MINK1: variants seen among roughly 807,000 people sequenced by gnomAD.
MINK1 encodes misshapen like kinase 1.
A neutral mutation model predicts 178.4 loss-of-function variants in MINK1; 46 were observed. That is an observed-to-expected ratio of 0.26 (90% CI 0.20 to 0.33). MINK1 has a LOEUF of 0.33. Among genes scored for constraint, MINK1 ranks in the 10% least tolerant of loss-of-function variants. The probability of loss-of-function intolerance (pLI) is 1.00; values close to 1 mark genes in which losing one functional copy is unlikely to be tolerated. For missense variants in MINK1, 1,366 were observed against 1,814.9 expected (o/e 0.75, Z 4.49); for synonymous variants, 797 against 709.7 (o/e 1.12, Z -1.96).
chr17:4,874,115 C>A (rs557393582), intron 1 of MINK1, among the ~76,000 whole-genome samples: 103 of 152,306 alleles, frequency 6.8e-4, no homozygotes, highest in African/African-American at 2.4e-3. Context: ...GATATATAAT[C>A]GTAGACTGCC....
intron 4 of MINK1, among the ~76,000 whole-genome samples, chr17:4,882,523 A>G (rs185890607): frequency 7.1e-4 from 108 of 152,276 alleles, no homozygotes; most frequent in Admixed American, 2.2e-3. Flanking sequence ...TGCAATCTTT[A>G]TGTCTCTAGC....
chr17:4,857,737 C>G (rs955845762), intron 1 of MINK1, among the ~76,000 whole-genome samples: 1 of 151,814 alleles, frequency 6.6e-6, no homozygotes, highest in Non-Finnish European at 1.5e-5. Context: ...CAAAGTGCTG[C>G]GATTATAGGG....
In MINK1 at chr17:4,893,569, G is replaced by A. The variant is rs1216183540; in HGVS notation, c.2536G>A (p.Glu846Lys). 5 of 1,569,448 alleles carry A rather than the reference G, an allele frequency of 3.2e-6. No homozygotes were observed. In the Middle Eastern group the frequency reaches 5.1e-4, roughly 161 times the overall value. ...GGAGGAAGGCGAAGGCGGGCCAGCAGAGGGGAGCAGAGATACCCCTGGGGG... is the reference window on the plus strand; with the variant it reads ...GGAGGAAGGCGAAGGCGGGCCAGCAAAGGGGAGCAGAGATACCCCTGGGGG... ...DEEEGEGGPAEGSRDTPGGRS... is the reference protein window; with the variant it reads ...DEEEGEGGPAKGSRDTPGGRS... Residue 846 changes from glutamate to lysine, a missense_variant, in exon 21 of 32, where the codon GAG becomes AAG. Physicochemically the swap from Glu to Lys is moderately conservative, Grantham distance 56 (BLOSUM62 1). Around this residue, in one of 14 missense-constraint regions of MINK1, gnomAD observed 709 missense variants for 692.3 expected, o/e 1.02. Coordinates refer to ENST00000355280, the MANE Select transcript of MINK1 (RefSeq NM_153827.5).
rs368309541 is a variant in MINK1 at position 4,896,895 on chromosome 17, A to ATGG, written c.3915+92_3915+94dup. The ATGG allele has an allele frequency of 8.4e-4, 1,248 of 1,478,464 alleles. 6 individuals carry two copies. The African/African-American group carries it at 0.015, about 18-fold the overall frequency. 91.6% of individuals were successfully genotyped at this position (1,478,464 alleles called of 1,614,324 possible). Reference sequence around the variant, plus strand: ...CCCTGGGCAGAGTTCTGGGGAGAGGATGGTGGTGGTGGCTTCCTGAAAGCG... The same window carrying ATGG: ...CCCTGGGCAGAGTTCTGGGGAGAGGATGGTGGTGGTGGTGGCTTCCTGAAAGCG... On this transcript the variant is annotated intron_variant, in intron 31 of 31. Transcript: ENST00000355280. The surrounding 1 kb of genome is among the most constrained non-coding windows in gnomAD (Gnocchi z 4.6).
At chr17:4,856,680 T>A (rs1913206022) in intron 1 of MINK1, 1 of 152,212 alleles carries the variant, frequency 6.6e-6, no homozygotes, top group African/African-American at 2.4e-5. Flanking sequence ...ATACATAGAG[T>A]ACTCAAGGGA....
intron 4 of MINK1, among the ~76,000 whole-genome samples, chr17:4,881,773 A>G (rs1371657932): frequency 6.6e-6 from 1 of 152,214 alleles, no homozygotes; most frequent in Non-Finnish European, 1.5e-5. Context: ...GCCTCCCCCA[A>G]ATTCCTCCTG....
chr17:4,894,342 G>A lies in MINK1; in HGVS notation c.2808+31G>A, dbSNP rs765142682. On this transcript the variant is annotated intron_variant, in intron 23 of 31. Transcript: ENST00000355280. This position sits in a 1 kb window ranked among gnomAD's most constrained non-coding sequence, Gnocchi z 4.1. ...TGGGCCGGAGGCAGGTCCGCCGGGA[G>A]AGAAGAGCCCTGGCGATGGGCAGGA... is the stretch of plus-strand genomic sequence containing the variant. The A allele has an allele frequency of 6.2e-7, 1 of 1,603,582 alleles. No homozygotes were observed. Among genetic ancestry groups the A allele is most frequent in the Non-Finnish European group, 8.5e-7 (1 of 1,176,154 alleles).
chr17:4,889,628 C>A lies in MINK1; in HGVS notation c.1231-19C>A. The A allele has an allele frequency of 6.4e-7, 1 of 1,565,724 alleles. No individual in the cohort carries two copies. The highest frequency in any genetic ancestry group is 8.7e-7 in the Non-Finnish European group (1 of 1,155,480). ...CGATGTCCGGTATGGTTCTTAAGACCACCTGGCTCTCCCCACAGCAACAGC... is the reference window on the plus strand; with the variant it reads ...CGATGTCCGGTATGGTTCTTAAGACAACCTGGCTCTCCCCACAGCAACAGC... On this transcript the variant is annotated intron_variant, in intron 12 of 31. Transcript: ENST00000355280.
chr17:4,867,005 G>A (rs1417567631), intron 1 of MINK1, among the ~76,000 whole-genome samples: 2 of 150,062 alleles, frequency 1.3e-5, no homozygotes, highest in Non-Finnish European at 3.0e-5. Flanking sequence ...CCCGGGAGGC[G>A]GAGCTTGTAG....
chr17:4,897,297 G>C lies in MINK1; in HGVS notation c.*10G>C. The C allele has an allele frequency of 6.2e-7, 1 of 1,612,922 alleles. No homozygotes were observed. Among genetic ancestry groups the C allele is most frequent in the Non-Finnish European group, 8.5e-7 (1 of 1,179,070 alleles). ...CATCATGAACTGGTGACGGGGCCCTGGGCTGGGGCTGTCCCACACTGGACC... is the reference window on the plus strand; with the variant it reads ...CATCATGAACTGGTGACGGGGCCCTCGGCTGGGGCTGTCCCACACTGGACC... On this transcript the variant is annotated 3_prime_UTR_variant, in exon 32 of 32. Transcript: ENST00000355280.
Position 4,885,400 on chromosome 17 carries a change from A to C in MINK1, c.509-83A>C. ...GCCAGGACCACAGCTGGCTCAGGCA[A>C]GTCCTGTGTGTGCACGCAGGGATGT... is the stretch of plus-strand genomic sequence containing the variant. On this transcript the variant is annotated intron_variant, in intron 6 of 31. Transcript: ENST00000355280. This position sits in a 1 kb window ranked among gnomAD's most constrained non-coding sequence, Gnocchi z 5.0. 6.4e-7 allele frequency: 1 copy of C among 1,563,392 alleles called. No homozygotes were observed. Among genetic ancestry groups the C allele is most frequent in the Middle Eastern group, 1.9e-4 (1 of 5,194 alleles).
At position 4,833,462 on chromosome 17, in the gene MINK1, C is replaced by CG; in HGVS notation, c.-117dup. On this transcript the variant is annotated 5_prime_UTR_variant, in exon 1 of 32. Coordinates refer to ENST00000355280, the MANE Select transcript of MINK1 (RefSeq NM_153827.5). This position sits in a 1 kb window ranked among gnomAD's most constrained non-coding sequence, Gnocchi z 4.8. Reference sequence around the variant, plus strand: ...GCCGGCCCTCCCCCTCCCCGGTCTCCGGGGGAGGCGCGGTGGAGTCCGCCC... The same window carrying CG: ...GCCGGCCCTCCCCCTCCCCGGTCTCCGGGGGGAGGCGCGGTGGAGTCCGCCC... The CG allele has an allele frequency of 1.3e-6, 1 of 778,440 alleles. No homozygotes were observed. Among genetic ancestry groups the CG allele is most frequent in the Non-Finnish European group, 2.0e-6 (1 of 508,354 alleles). The allele number at this position is 778,440 out of a possible 1,614,324, so 48.2% of individuals were successfully genotyped here.
chr17:4,837,817 T>C (rs150619908), intron 1 of MINK1, among the ~76,000 whole-genome samples: 5 of 152,202 alleles, frequency 3.3e-5, no homozygotes, highest in Non-Finnish European at 7.3e-5. Context: ...ATTGAAATCA[T>C]AGCATGGAGC....
chr17:4,865,809 C>T (rs1279829327), intron 1 of MINK1, among the ~76,000 whole-genome samples: 2 of 151,172 alleles, frequency 1.3e-5, no homozygotes, highest in Non-Finnish European at 2.9e-5. Context: ...GCAGGAGGAT[C>T]ACTTGAGTCC....
At position 4,895,519 on chromosome 17, in the gene MINK1, G is replaced by A. The variant is rs371907384; in HGVS notation, c.3229+26G>A. The A allele has an allele frequency of 9.6e-6, 15 of 1,556,946 alleles. No homozygotes were observed. In the African/African-American group the frequency reaches 1.1e-4, roughly 11 times the overall value. On this transcript the variant is annotated intron_variant, in intron 26 of 31. Coordinates refer to ENST00000355280, the MANE Select transcript of MINK1 (RefSeq NM_153827.5). This position sits in a 1 kb window ranked among gnomAD's most constrained non-coding sequence, Gnocchi z 4.3. ...GTACAGGTGTGGTGAGTGGGGGAGG[G>A]AGGAGGGGCTCAGCTCCTTGGCGCT...
At chr17:4,892,860 A>C in intron 19 of MINK1, 92 bp downstream of exon 19, 1 of 1,388,588 alleles carries the variant, frequency 7.2e-7, no homozygotes, top group African/African-American at 1.4e-5. Flanking sequence ...GGGCACCCAC[A>C]CGGACAGGGA....
chr17:4,876,806 A>C (rs918329144), intron 1 of MINK1, among the ~76,000 whole-genome samples: 1 of 151,944 alleles, frequency 6.6e-6, no homozygotes, highest in Non-Finnish European at 1.5e-5. Flanking sequence ...GTCGGCTCTG[A>C]GGCAGGCGTG....
At chr17:4,877,193 T>C (rs539212693) in intron 1 of MINK1, among the ~76,000 whole-genome samples, 1 of 151,672 alleles carries the variant, frequency 6.6e-6, no homozygotes, top group African/African-American at 2.4e-5. Flanking sequence ...CCAATTTCTT[T>C]CTCTCAAAAA....
Position 4,894,008 on chromosome 17 carries a change from G to A in MINK1, c.2585G>A (p.Ser862Asn). 6.3e-7 allele frequency: 1 copy of A among 1,587,882 alleles called. No individual in the cohort carries two copies. The highest frequency in any genetic ancestry group is 8.6e-7 in the Non-Finnish European group (1 of 1,166,726). ...CACAGCAGCGATGGGGATACAGACA[G>A]CGTCAGCACCATGGTGGTCCACGAC... ...PGGRSDGDTD[S>N]VSTMVVHDVE... Residue 862 changes from serine (S) to asparagine (N), a missense_variant, in exon 22 of 32, where the codon AGC becomes AAC. Ser to Asn is a conservative substitution (Grantham distance 46). Around this residue, in one of 14 missense-constraint regions of MINK1, gnomAD observed 709 missense variants for 692.3 expected, o/e 1.02. Coordinates refer to ENST00000355280, the MANE Select transcript of MINK1 (RefSeq NM_153827.5). This position sits in a 1 kb window ranked among gnomAD's most constrained non-coding sequence, Gnocchi z 4.1.
Sources: gnomAD v4.1 joint callset for allele counts (sites outside exome capture counted in the v4.1 genomes callset) on GRCh38, gnomAD v4.1.1 for gene constraint, gnomAD v4.1.1 regional missense constraint, Gnocchi (gnomAD v3.1) non-coding constraint, MANE v1.5 for transcripts, NCBI Gene and HGNC (gene_info 2026-07-23, HGNC 2026-07-21) for gene names.